CORO2A: variants seen among roughly 807,000 people sequenced by gnomAD.
The protein encoded by CORO2A is coronin-2A.
CORO2A carries 47 observed loss-of-function variants against 62.4 expected under a neutral mutation model. That is an observed-to-expected ratio of 0.75 (90% CI 0.60 to 0.96). The LOEUF (loss-of-function observed/expected upper bound fraction) is 0.96. Ranked by LOEUF, CORO2A falls within the 40% of genes least tolerant of loss-of-function variation. The probability of loss-of-function intolerance (pLI) is 0.00; values close to 1 mark genes in which losing one functional copy is unlikely to be tolerated. For synonymous variants in CORO2A, 273 were observed against 268.9 expected (o/e 1.02, Z -0.15); for missense variants, 610 against 684.1 (o/e 0.89, Z 1.21).
At chr9:98,128,314 G>A in intron 9 of CORO2A, 54 bp from the exon 10 acceptor site, 1 of 1,417,562 alleles carries the variant, frequency 7.1e-7, no homozygotes, top group Non-Finnish European at 9.9e-7. Flanking sequence ...TGCTCAGATG[G>A]GAAAGGCCCT....
chr9:98,126,462 T>A (rs1827319945), intron 11 of CORO2A, 87 bp downstream of exon 11: 1 of 1,510,890 alleles, frequency 6.6e-7, no homozygotes. Flanking sequence ...TTCTCATGCC[T>A]CATTTTCTCC....
chr9:98,163,176 C>T (rs890298817), intron 1 of CORO2A, among the ~76,000 whole-genome samples: 3 of 152,236 alleles, frequency 2.0e-5, no homozygotes, highest in African/African-American at 7.2e-5. Context: ...GGTTTTGCAT[C>T]GCACTGAGTT....
intron 1 of CORO2A, among the ~76,000 whole-genome samples, chr9:98,173,320 A>G (rs1039339718): frequency 6.6e-6 from 1 of 152,136 alleles, no homozygotes; most frequent in Non-Finnish European, 1.5e-5. Context: ...ATGATTCACA[A>G]CTATCGCTCA....
At position 98,173,015 on chromosome 9, in the gene CORO2A, GA is replaced by G. The variant is rs376239065; in HGVS notation, c.1-15356del. On this transcript the variant is annotated intron_variant, in intron 1 of 11. Transcript: ENST00000375077. ...GTGCTCAGAGTCACCTGGAGGGCTG[GA>G]AAAAAACAAACCCAGGTGGTGGCTC... 3.6e-4 allele frequency: 55 copies of G among 152,354 alleles called. No individual in the cohort carries two copies. The East Asian group carries it at 7.7e-3, about 21-fold the overall frequency. The allele number at this position is 152,354 out of a possible 1,614,324, so 9.4% of individuals were successfully genotyped here. A position where few individuals can be genotyped will look rare whatever the true frequency, so the allele number is the denominator to read the frequency against.
chr9:98,131,016 G>A lies in CORO2A; in HGVS notation c.809C>T (p.Ser270Phe), dbSNP rs1206121426. 1 of 1,613,806 alleles carries A rather than the reference G, an allele frequency of 6.2e-7. No individual in the cohort carries two copies. The highest frequency in any genetic ancestry group is 8.5e-7 in the Non-Finnish European group (1 of 1,179,948). ...ATAGAAGGGAAACAGCACGCCCGAG[G>A]AGCCGTCCAGGTCCTCCTCCATCAG... is the stretch of plus-strand genomic sequence containing the variant. ...VPLMEEDLDG[S>F]SGVLFPFYDA... The change falls in exon 7 of 12, where the codon TCC (serine) becomes TTC (phenylalanine). Residue 270 changes from serine (S) to phenylalanine (F), a missense_variant. By Grantham distance (155) the Ser-to-Phe change is radical (BLOSUM62 -2). Coordinates refer to ENST00000375077, the MANE Select transcript of CORO2A (RefSeq NM_052820.4).
Position 98,121,207 on chromosome 9 carries a change from T to G in CORO2A, c.*3567A>C, listed in dbSNP as rs1044197719. On this transcript the variant is annotated 3_prime_UTR_variant, in exon 12 of 12. Transcript: ENST00000375077. ...TCTATGATACAATCTCAAGTTTTGT[T>G]TCAGGAAGCACAATTATTGTAGCGT... 2.0e-5 allele frequency: 3 copies of G among 152,210 alleles called. No individual in the cohort carries two copies. The highest frequency in any genetic ancestry group is 7.2e-5 in the African/African-American group (3 of 41,442). The allele number at this position is 152,210 out of a possible 1,614,324, so 9.4% of individuals were successfully genotyped here. A position where few individuals can be genotyped will look rare whatever the true frequency, so the allele number is the denominator to read the frequency against.
At chr9:98,128,474 T>C (rs1381917013) in intron 9 of CORO2A, 133 bp downstream of exon 9, 6 of 827,174 alleles carry the variant, frequency 7.3e-6, no homozygotes, top group African/African-American at 1.7e-5. Flanking sequence ...GATGTCACAC[T>C]GGCTGTGAGA....
In CORO2A at chr9:98,162,468, C is replaced by CAG. The variant is rs1354634138; in HGVS notation, c.1-4809_1-4808insCT. Among the ~76,000 whole-genome samples, 5 of 152,330 alleles carry CAG rather than the reference C, an allele frequency of 3.3e-5. No individual in the cohort carries two copies. The East Asian group carries it at 9.6e-4, about 29-fold the overall frequency. On this transcript the variant is annotated intron_variant, in intron 1 of 11. Transcript: ENST00000375077. Reference sequence around the variant, plus strand: ...TCTGTCCGTCCCCCAATCCTCTCCCCACCCTAACTCTTATTTGCACTGCTA... The same window carrying CAG: ...TCTGTCCGTCCCCCAATCCTCTCCCCAGACCCTAACTCTTATTTGCACTGCTA...
chr9:98,184,537 A>G (rs1278222119), intron 1 of CORO2A, among the ~76,000 whole-genome samples: 1 of 152,142 alleles, frequency 6.6e-6, no homozygotes, highest in African/African-American at 2.4e-5. Flanking sequence ...CTCTCTAAAC[A>G]GACTGGTTTC....
intron 1 of CORO2A, among the ~76,000 whole-genome samples, chr9:98,173,722 G>C (rs887365644): frequency 1.3e-5 from 2 of 152,172 alleles, no homozygotes. Flanking sequence ...ACGGGCTTCA[G>C]AGTCAGAGAA....
At chr9:98,139,166 G>C (rs149729280) in intron 2 of CORO2A, among the ~76,000 whole-genome samples, 3 of 152,256 alleles carry the variant, frequency 2.0e-5, no homozygotes, top group Admixed American at 6.5e-5. Context: ...TAATGAGTGA[G>C]GGGTGTCTTT....
intron 1 of CORO2A, among the ~76,000 whole-genome samples, chr9:98,167,683 T>G (rs1434254703): frequency 2.6e-5 from 4 of 152,088 alleles, no homozygotes; most frequent in African/African-American, 7.2e-5. Flanking sequence ...GAAAGCTGAG[T>G]GGGCACCTGA....
In CORO2A at chr9:98,133,020, C is replaced by A. The variant is rs1827430876; in HGVS notation, c.648+18G>T. The A allele has an allele frequency of 1.2e-6, 2 of 1,613,478 alleles. No homozygotes were observed. The highest frequency in any genetic ancestry group is 1.7e-6 in the Non-Finnish European group (2 of 1,179,672). ...CTTGCTCCTCTGAGCCTGAGCCAGC[C>A]CCTGGCCCAGAACTGACCTGGAGGA... is the stretch of plus-strand genomic sequence containing the variant. On this transcript the variant is annotated intron_variant, in intron 5 of 11. Transcript: ENST00000375077.
At position 98,122,476 on chromosome 9, in the gene CORO2A, C is replaced by T. The variant is rs1382368864; in HGVS notation, c.*2298G>A. On this transcript the variant is annotated 3_prime_UTR_variant, in exon 12 of 12. Transcript: ENST00000375077. ...CCCTGTGCAATGGAGATCATCTGCCCCTCCTTGGTAAGGAGGGACCAATTT... is the reference window on the plus strand; with the variant it reads ...CCCTGTGCAATGGAGATCATCTGCCTCTCCTTGGTAAGGAGGGACCAATTT... 1 of 152,116 alleles carries T rather than the reference C, an allele frequency of 6.6e-6. No individual in the cohort carries two copies. The highest frequency in any genetic ancestry group is 2.4e-5 in the African/African-American group (1 of 41,408). 9.4% of individuals were successfully genotyped at this position (152,116 alleles called of 1,614,324 possible).
intron 2 of CORO2A, among the ~76,000 whole-genome samples, chr9:98,150,908 T>A (rs1827715064): frequency 6.6e-6 from 1 of 152,206 alleles, no homozygotes; most frequent in South Asian, 2.1e-4. Context: ...ACAGGTCACA[T>A]GCCTCACCCC....
intron 1 of CORO2A, among the ~76,000 whole-genome samples, chr9:98,192,050 C>T (rs1828311310): frequency 6.6e-6 from 1 of 152,210 alleles, no homozygotes; most frequent in African/African-American, 2.4e-5. Context: ...ACATGCACGC[C>T]CAGGCCGGCT....
At chr9:98,126,330 A>G (rs551300048) in intron 11 of CORO2A, among the ~76,000 whole-genome samples, 2 of 152,066 alleles carry the variant, frequency 1.3e-5, no homozygotes, top group Non-Finnish European at 2.9e-5. Context: ...CACTGTGCCC[A>G]GCCTCCCACC....
intron 1 of CORO2A, among the ~76,000 whole-genome samples, chr9:98,174,486 A>G (rs1828082307): frequency 6.6e-6 from 1 of 152,230 alleles, no homozygotes; most frequent in Non-Finnish European, 1.5e-5. Flanking sequence ...TGAAATCAAA[A>G]TGTAAAAATC....
chr9:98,128,984 G>A (rs1232197857), intron 8 of CORO2A, among the ~76,000 whole-genome samples: 4 of 152,104 alleles, frequency 2.6e-5, no homozygotes, highest in African/African-American at 9.7e-5. Flanking sequence ...CCAGGCTGGA[G>A]TGCAGTGGCA....
Sources: allele counts gnomAD v4.1 joint callset (sites outside exome capture counted in the v4.1 genomes callset), GRCh38; gene constraint gnomAD v4.1.1; transcripts MANE v1.5; gene names NCBI Gene and HGNC (gene_info 2026-07-23, HGNC 2026-07-21).